The following RBM25 variants were observed in gnomAD, a reference collection of about 807,000 sequenced individuals.
The protein encoded by RBM25 is RNA binding motif protein 25.
Under a neutral mutation model 120.7 loss-of-function variants are expected in RBM25, and 19 were observed. That is an observed-to-expected ratio of 0.16 (90% CI 0.11 to 0.23). RBM25 has a LOEUF of 0.23. Among genes scored for constraint, RBM25 ranks in the 10% least tolerant of loss-of-function variants. The pLI is 1.00. For missense variants in RBM25, 605 were observed against 1,041.5 expected, an observed-to-expected ratio of 0.58 and a Z score of 5.77; for synonymous variants, 390 against 326.7, an observed-to-expected ratio of 1.19 and a Z score of -2.09.
intron 9 of RBM25, chr14:73,100,444 G>C (rs758422999): frequency 1.8e-6 from 1 of 548,868 alleles, no homozygotes; most frequent in Non-Finnish European, 3.3e-6. Context: ...GCTTGGAAAT[G>C]GGTATTTATG....
At chr14:73,091,005 A>G (rs925132299) in intron 6 of RBM25, among the ~76,000 whole-genome samples, 2 of 152,258 alleles carry the variant, frequency 1.3e-5, no homozygotes, top group East Asian at 1.9e-4. Flanking sequence ...TGATAACTGT[A>G]TACTAACTAG....
intron 1 of RBM25, among the ~76,000 whole-genome samples, chr14:73,062,212 T>G (rs147924574): frequency 6.6e-6 from 1 of 151,492 alleles, no homozygotes; most frequent in East Asian, 1.9e-4. Context: ...TTTTTGGAGA[T>G]TTCCAAACAA....
At chr14:73,104,001 C>T (rs1403361530) in intron 10 of RBM25, among the ~76,000 whole-genome samples, 1 of 150,338 alleles carries the variant, frequency 6.7e-6, no homozygotes, top group Non-Finnish European at 1.5e-5. Flanking sequence ...CACACTCTCT[C>T]TCTCTCTCTC....
chr14:73,116,746 GT>G (rs1455237285), intron 18 of RBM25, among the ~76,000 whole-genome samples: 7 of 152,140 alleles, frequency 4.6e-5, no homozygotes, highest in African/African-American at 1.4e-4. Context: ...AAGATTTCAT[GT>G]CAGTGTTAAT....
intron 9 of RBM25, 92 bp downstream of exon 9, chr14:73,099,842 A>G: frequency 7.0e-7 from 1 of 1,421,206 alleles, no homozygotes; most frequent in Non-Finnish European, 9.2e-7. Context: ...AAATTAGAAT[A>G]TAATTTTAAA....
intron 2 of RBM25, among the ~76,000 whole-genome samples, chr14:73,075,595 A>G (rs1427486986): frequency 6.6e-6 from 1 of 152,198 alleles, no homozygotes; most frequent in African/African-American, 2.4e-5. Context: ...TTATATGTTT[A>G]TCATGCACAA....
At chr14:73,091,441 T>G (rs944129575) in intron 6 of RBM25, among the ~76,000 whole-genome samples, 2 of 152,180 alleles carry the variant, frequency 1.3e-5, no homozygotes, top group African/African-American at 4.8e-5. Context: ...CTTGAACTCC[T>G]GGGCTTAAGT....
chr14:73,103,491 A>C lies in RBM25; in HGVS notation c.1154+13A>C. 6.4e-7 allele frequency: 1 copy of C among 1,557,850 alleles called. No individual in the cohort carries two copies. Among genetic ancestry groups the C allele is most frequent in the Non-Finnish European group, 8.7e-7 (1 of 1,155,006 alleles). ...GCAGTCGATCAAGGTAAGGCTTTAC[A>C]GAAGTTACTGTTTCCTGATAGCTTT... On this transcript the variant is annotated intron_variant, in intron 10 of 18. Transcript: ENST00000261973.
At chr14:73,109,053 C>G (rs1288521115) in intron 13 of RBM25, 3 of 180,722 alleles carry the variant, frequency 1.7e-5, no homozygotes, top group African/African-American at 7.1e-5. Flanking sequence ...GAAATAGGCA[C>G]AAAGTGTGAG....
chr14:73,080,834 T>A (rs546561442), intron 4 of RBM25, among the ~76,000 whole-genome samples: 2 of 149,924 alleles, frequency 1.3e-5, no homozygotes, highest in Admixed American at 6.6e-5. Flanking sequence ...TTTTTTTTTT[T>A]TTTTATTTGA....
chr14:73,103,384 A>G lies in RBM25; in HGVS notation c.1060A>G (p.Thr354Ala). Residue 354 changes from threonine to alanine, a missense_variant, in exon 10 of 19, where the codon ACA (threonine) becomes GCA (alanine). Thr to Ala is a moderately conservative substitution (Grantham distance 58). Around this residue, in one of 4 missense-constraint regions of RBM25, gnomAD observed 465 missense variants for 741.6 expected, o/e 0.63. Transcript: ENST00000261973. ...ERERDRDRDRTKERDRDRDRE... is the reference protein window; with the variant it reads ...ERERDRDRDRAKERDRDRDRE... ...AGAACGGGATAGGGACCGTGACCGG[A>G]CAAAAGAGAGAGACCGAGATCGGGA... is the stretch of plus-strand genomic sequence containing the variant. 1.2e-6 allele frequency: 2 copies of G among 1,612,150 alleles called. No homozygotes were observed. Among genetic ancestry groups the G allele is most frequent in the African/African-American group, 2.7e-5 (2 of 75,020 alleles).
At chr14:73,070,817 C>T (rs1235135198) in intron 1 of RBM25, among the ~76,000 whole-genome samples, 7 of 151,166 alleles carry the variant, frequency 4.6e-5, no homozygotes, top group Non-Finnish European at 7.4e-5. Flanking sequence ...CGTGGTGGCG[C>T]GCACATGTAA....
At chr14:73,088,436 T>C in intron 6 of RBM25, 1 of 553,144 alleles carries the variant, frequency 1.8e-6, no homozygotes, top group Non-Finnish European at 3.4e-6. Flanking sequence ...TGGTACAGAC[T>C]ATTCCAAACA....
chr14:73,095,931 C>T (rs956349477), intron 6 of RBM25, among the ~76,000 whole-genome samples: 1 of 152,062 alleles, frequency 6.6e-6, no homozygotes, highest in Admixed American at 6.5e-5. Context: ...ACATTAGAAG[C>T]CAACAATTTT....
intron 3 of RBM25, among the ~76,000 whole-genome samples, chr14:73,076,973 C>T (rs1594903853): frequency 2.0e-5 from 3 of 152,268 alleles, no homozygotes; most frequent in South Asian, 4.1e-4. Flanking sequence ...CTCAGCTACT[C>T]GGGAGGCCGA....
chr14:73,095,039 G>A lies in RBM25; in HGVS notation c.544-1876G>A, dbSNP rs1197369169. ...GCCCAGCTAATTTTTTGTATTTTTG[G>A]TAGATGGGGTTTCACCATGCTGGCC... On this transcript the variant is annotated intron_variant, in intron 6 of 18. Coordinates refer to ENST00000261973, the MANE Select transcript of RBM25 (RefSeq NM_021239.3). 2.0e-5 allele frequency among the ~76,000 whole-genome samples: 3 copies of A among 148,864 alleles called. No individual in the cohort carries two copies. The East Asian group carries it at 6.2e-4, about 31-fold the overall frequency.
chr14:73,066,975 G>A (rs961817048), intron 1 of RBM25, among the ~76,000 whole-genome samples: 1 of 152,044 alleles, frequency 6.6e-6, no homozygotes, highest in African/African-American at 2.4e-5. Flanking sequence ...GAGGATATGA[G>A]GAAAGGGCAT....
At position 73,088,155 on chromosome 14, in the gene RBM25, T is replaced by A. The variant is rs1421952498; in HGVS notation, c.537T>A (p.Ser179=). The A allele has an allele frequency of 5.0e-6, 8 of 1,614,086 alleles. No individual in the cohort carries two copies. Among genetic ancestry groups the A allele is most frequent in the East Asian group, 4.5e-5 (2 of 44,874 alleles). ...LDEWKAKKKA[S]NGNARPETVT... ...AATGGAAAGCAAAGAAGAAAGCTTC[T>A]AATGGGGTATGTTTTCTGTCGTGTT... The change falls in exon 6 of 19, where the codon TCT becomes TCA. Residue 179 remains serine (S), a synonymous_variant. Coordinates refer to ENST00000261973, the MANE Select transcript of RBM25 (RefSeq NM_021239.3).
intron 10 of RBM25, among the ~76,000 whole-genome samples, chr14:73,105,267 C>T (rs1425999142): frequency 1.3e-5 from 2 of 152,006 alleles, no homozygotes; most frequent in African/African-American, 4.8e-5. Flanking sequence ...GCCACCATGC[C>T]TCCTGGCCTC....
Sources: gnomAD v4.1 joint callset for allele counts (sites outside exome capture counted in the v4.1 genomes callset) on GRCh38, gnomAD v4.1.1 for gene constraint, gnomAD v4.1.1 regional missense constraint, MANE v1.5 for transcripts, NCBI Gene and HGNC (gene_info 2026-07-23, HGNC 2026-07-21) for gene names.